Variants in OPN5 observed in about 807,000 individuals in gnomAD.
The protein encoded by OPN5 is opsin-5.
In OPN5, 18 loss-of-function variants were observed where a neutral mutation model predicts 41.7. The observed-to-expected ratio is 0.43, with a 90% CI of 0.30 to 0.64. The LOEUF (loss-of-function observed/expected upper bound fraction) is 0.64. Among genes scored for constraint, OPN5 ranks in the 30% least tolerant of loss-of-function variants. The probability of loss-of-function intolerance (pLI) is 0.13; values close to 1 mark genes in which losing one functional copy is unlikely to be tolerated. For synonymous variants in OPN5, 178 were observed against 164.3 expected, an observed-to-expected ratio of 1.08 and a Z score of -0.64; for missense variants, 318 against 434.5, an observed-to-expected ratio of 0.73 and a Z score of 2.38.
intron 5 of OPN5, among the ~76,000 whole-genome samples, chr6:47,808,635 TAC>T (rs1489948053): frequency 6.6e-6 from 1 of 152,206 alleles, no homozygotes; most frequent in Non-Finnish European, 1.5e-5. Context: ...GCAACTAAGA[TAC>T]AGAGATGTGT....
At chr6:47,806,182 C>T (rs1488469190) in intron 4 of OPN5, among the ~76,000 whole-genome samples, 1 of 151,808 alleles carries the variant, frequency 6.6e-6, no homozygotes, top group Non-Finnish European at 1.5e-5. Flanking sequence ...ACAAACAACC[C>T]CCCCAAAAAA....
At chr6:47,824,157 A>C (rs1762723024) in exon 7 of OPN5, 1 of 631,096 alleles carries the variant, frequency 1.6e-6, no homozygotes, top group Admixed American at 2.7e-5. Context: ...GATGCACCCT[A>C]GGAGTATCCA....
At chr6:47,782,361 T>TC (rs1773111666) in intron 1 of OPN5, among the ~76,000 whole-genome samples, 165 bp downstream of exon 1, 1 of 152,178 alleles carries the variant, frequency 6.6e-6, no homozygotes. Context: ...AATAAATGTT[T>TC]CCTAGAAATG....
intron 4 of OPN5, among the ~76,000 whole-genome samples, chr6:47,806,799 G>A (rs1259569681): frequency 2.0e-5 from 3 of 152,106 alleles, no homozygotes; most frequent in Non-Finnish European, 4.4e-5. Flanking sequence ...TCCTGTCTAT[G>A]CCTTTACTTT....
At chr6:47,808,629 C>T (rs570000755) in intron 5 of OPN5, among the ~76,000 whole-genome samples, 4 of 152,168 alleles carry the variant, frequency 2.6e-5, no homozygotes, top group Non-Finnish European at 5.9e-5. Flanking sequence ...CGTGGAGCAA[C>T]TAAGATACAG....
At chr6:47,793,840 A>G in intron 3 of OPN5, 1 of 880,908 alleles carries the variant, frequency 1.1e-6, no homozygotes, top group Non-Finnish European at 1.4e-6. Flanking sequence ...GCACATTCCC[A>G]TGAATATATG....
chr6:47,782,855 T>C (rs2113944149), intron 1 of OPN5, among the ~76,000 whole-genome samples: 1 of 152,328 alleles, frequency 6.6e-6, no homozygotes, highest in East Asian at 1.9e-4. Context: ...AGTAGCCACA[T>C]GTGGCTTTTC....
intron 2 of OPN5, 23 bp from the exon 3 acceptor site, chr6:47,791,779 T>C: frequency 6.2e-7 from 1 of 1,611,882 alleles, no homozygotes; most frequent in Non-Finnish European, 8.5e-7. Flanking sequence ...GAACGTCTGT[T>C]GACAAGTCAC....
At chr6:47,815,740 TG>T (rs1338573332) in intron 6 of OPN5, among the ~76,000 whole-genome samples, 56 of 152,140 alleles carry the variant, frequency 3.7e-4, no homozygotes. Flanking sequence ...GTACAGACTT[TG>T]CTCAAAACCT....
At chr6:47,791,705 G>T in intron 2 of OPN5, 97 bp from the exon 3 acceptor site, 1 of 909,522 alleles carries the variant, frequency 1.1e-6, no homozygotes, top group Non-Finnish European at 1.8e-6. Context: ...GTTCACATGT[G>T]TCCCCGTGCT....
chr6:47,824,109 G>A (rs1366238372), exon 7 of OPN5: 2 of 775,928 alleles, frequency 2.6e-6, no homozygotes, highest in African/African-American at 1.7e-5. Flanking sequence ...CACTTACCCT[G>A]TCAGGAAAAA....
intron 4 of OPN5, among the ~76,000 whole-genome samples, chr6:47,797,116 G>A (rs549314321): frequency 2.6e-5 from 4 of 152,288 alleles, no homozygotes; most frequent in African/African-American, 7.2e-5. Flanking sequence ...TGACACATGA[G>A]CATTATGGGA....
At chr6:47,807,536 GAGTGAA>G (rs571715301) in intron 4 of OPN5, among the ~76,000 whole-genome samples, 8 of 152,162 alleles carry the variant, frequency 5.3e-5, no homozygotes, top group Non-Finnish European at 8.8e-5. Flanking sequence ...AATTTTGTGA[GAGTGAA>G]AAGTGTTTTC....
chr6:47,799,504 T>C (rs1305608205), intron 4 of OPN5, among the ~76,000 whole-genome samples: 1 of 152,114 alleles, frequency 6.6e-6, no homozygotes, highest in Non-Finnish European at 1.5e-5. Flanking sequence ...ATATTTAGGG[T>C]TCCTTGTGGT....
chr6:47,797,955 T>C (rs1773629726), intron 4 of OPN5, among the ~76,000 whole-genome samples: 1 of 152,172 alleles, frequency 6.6e-6, no homozygotes, highest in Admixed American at 6.6e-5. Flanking sequence ...TCATTATACA[T>C]ATGAGGTACA....
chr6:47,821,189 G>T (rs1762612268), intron 6 of OPN5, among the ~76,000 whole-genome samples: 1 of 152,118 alleles, frequency 6.6e-6, no homozygotes, highest in Non-Finnish European at 1.5e-5. Context: ...GGCACACTTG[G>T]TGTAACTTTT....
At chr6:47,795,774 T>TCACA (rs1194446160) in intron 4 of OPN5, among the ~76,000 whole-genome samples, 9 of 109,644 alleles carry the variant, frequency 8.2e-5, no homozygotes, top group African/African-American at 2.2e-4. Flanking sequence ...TCTCTCTCTC[T>TCACA]CTCTCACACA....
intron 6 of OPN5, among the ~76,000 whole-genome samples, chr6:47,820,796 G>A (rs550570413): frequency 6.6e-6 from 1 of 152,238 alleles, no homozygotes; most frequent in South Asian, 2.1e-4. Context: ...GAACAATGTC[G>A]GGGTTAAGGG....
chr6:47,795,144 T>C lies in OPN5; in HGVS notation c.422-85T>C, dbSNP rs1773501002. ...TCCCAGAAATCAATGGAATAAATCT[T>C]TGGAGGTGGAATTTGACATATCGAG... On this transcript the variant is annotated intron_variant, in intron 3 of 6. Transcript: ENST00000371211. The C allele has an allele frequency of 5.9e-6, 6 of 1,021,704 alleles. No individual in the cohort carries two copies. In the South Asian group the frequency reaches 6.8e-5, roughly 12 times the overall value. 63.3% of individuals were successfully genotyped at this position (1,021,704 alleles called of 1,614,324 possible).
Sources: allele counts gnomAD v4.1 joint callset (sites outside exome capture counted in the v4.1 genomes callset), GRCh38; gene constraint gnomAD v4.1.1; transcripts MANE v1.5; gene names NCBI Gene and HGNC (gene_info 2026-07-23, HGNC 2026-07-21).